Variants in DSCAM observed in about 807,000 individuals in gnomAD.
DSCAM encodes the protein cell adhesion molecule DSCAM.
Under a neutral mutation model 217.7 loss-of-function variants are expected in DSCAM, and 47 were observed. The ratio of observed to expected loss-of-function variants is 0.22; its 90% CI spans 0.17 to 0.28. DSCAM has a LOEUF of 0.28. Ranked by LOEUF, DSCAM falls within the 10% of genes least tolerant of loss-of-function variation. The pLI is 1.00. For missense variants in DSCAM, 2,080 were observed against 2,618.3 expected (o/e 0.79, Z 4.49); for synonymous variants, 1,056 against 1,015.3 (o/e 1.04, Z -0.76).
At chr21:40,807,744 C>G (rs909390268) in intron 1 of DSCAM, among the ~76,000 whole-genome samples, 2 of 151,548 alleles carry the variant, frequency 1.3e-5, no homozygotes, top group Non-Finnish European at 2.9e-5. Context: ...TGGCAGGAGA[C>G]AAGAGAAGAG....
At chr21:40,306,506 T>A (rs972502781) in intron 9 of DSCAM, among the ~76,000 whole-genome samples, 19 of 147,062 alleles carry the variant, frequency 1.3e-4, no homozygotes, top group Non-Finnish European at 2.2e-4. Flanking sequence ...AGAGAGGGCA[T>A]CCCTGTCTTG....
At chr21:40,672,487 TA>T (rs2090289053) in intron 3 of DSCAM, among the ~76,000 whole-genome samples, 1 of 152,014 alleles carries the variant, frequency 6.6e-6, no homozygotes, top group South Asian at 2.1e-4. Context: ...AAGTCTGACC[TA>T]GCATGAGTAA....
chr21:40,596,977 T>A (rs1409768339), intron 3 of DSCAM, among the ~76,000 whole-genome samples: 2 of 152,138 alleles, frequency 1.3e-5, no homozygotes, highest in African/African-American at 4.8e-5. Context: ...CATCATCTTC[T>A]ACACTTGTCT....
In DSCAM at chr21:40,296,183, A is replaced by G; in HGVS notation, c.2063-9T>C. 1 of 1,613,734 alleles carries G rather than the reference A, an allele frequency of 6.2e-7. No individual in the cohort carries two copies. The highest frequency in any genetic ancestry group is 1.1e-5 in the South Asian group (1 of 90,972). On this transcript the variant is annotated splice_polypyrimidine_tract_variant and intron_variant, in intron 9 of 32. Coordinates refer to ENST00000400454, the MANE Select transcript of DSCAM (RefSeq NM_001389.5). Reference sequence around the variant, plus strand: ...CACAAACTTGGGAGGAACTGAAAAGAGAGAAATGTCACCAGTAATTAAGAC... The same window carrying G: ...CACAAACTTGGGAGGAACTGAAAAGGGAGAAATGTCACCAGTAATTAAGAC...
At chr21:40,331,418 A>G (rs940820883) in intron 8 of DSCAM, among the ~76,000 whole-genome samples, 1 of 152,206 alleles carries the variant, frequency 6.6e-6, no homozygotes, top group African/African-American at 2.4e-5. Context: ...GTGGAAGGCG[A>G]GCAGACACAC....
chr21:40,711,228 A>C lies in DSCAM; in HGVS notation c.44-2457T>G, dbSNP rs186092443. On this transcript the variant is annotated intron_variant, in intron 1 of 32. Transcript: ENST00000400454. ...GTCTATGGCCTGTGCTTCCAGATCT[A>C]GTCTTTCTCCGTGGTGTGGAGCTGA... Among the ~76,000 whole-genome samples, 336 of 152,218 alleles carry C rather than the reference A, an allele frequency of 2.2e-3. 1 individual carries two copies. Among genetic ancestry groups the C allele is most frequent in the South Asian group, 5.8e-3 (28 of 4,814 alleles).
chr21:40,018,448 T>A (rs1370024513), intron 32 of DSCAM, among the ~76,000 whole-genome samples: 1 of 152,206 alleles, frequency 6.6e-6, no homozygotes, highest in Non-Finnish European at 1.5e-5. Context: ...TTTAAATATA[T>A]AGGTCAAGAA....
intron 8 of DSCAM, among the ~76,000 whole-genome samples, chr21:40,322,521 ATTT>A (rs35377807): frequency 6.7e-6 from 1 of 148,250 alleles, no homozygotes; most frequent in Non-Finnish European, 1.5e-5. Context: ...AGCGGGAGCA[ATTT>A]TTTTTTTTTT....
chr21:40,843,780 CT>C (rs1267931219), intron 1 of DSCAM, among the ~76,000 whole-genome samples: 1 of 146,592 alleles, frequency 6.8e-6, no homozygotes, highest in African/African-American at 2.6e-5. Context: ...GGCCTGGTCA[CT>C]GACTTCTTCT....
At chr21:40,418,555 T>C (rs1329649537) in intron 3 of DSCAM, among the ~76,000 whole-genome samples, 1 of 152,186 alleles carries the variant, frequency 6.6e-6, no homozygotes, top group Non-Finnish European at 1.5e-5. Flanking sequence ...GCAAGCCTTC[T>C]TTTGCTCAGG....
Position 40,652,838 on chromosome 21 carries a change from T to C in DSCAM, c.508+39972A>G, listed in dbSNP as rs372014162. On this transcript the variant is annotated intron_variant, in intron 3 of 32. Transcript: ENST00000400454. ...ACAATTGGATTATGACGAGTGTCTG[T>C]TTTTATTCTTCTGGGACCCTGGGCC... Among the ~76,000 whole-genome samples the C allele has an allele frequency of 5.9e-5, 9 of 152,292 alleles. No homozygotes were observed. In the East Asian group the frequency reaches 1.5e-3, roughly 26 times the overall value.
At chr21:40,260,330 G>A (rs2073433175) in intron 11 of DSCAM, among the ~76,000 whole-genome samples, 1 of 152,156 alleles carries the variant, frequency 6.6e-6, no homozygotes, top group Non-Finnish European at 1.5e-5. Flanking sequence ...AAATAGGTGG[G>A]AAAACAGTAT....
intron 3 of DSCAM, among the ~76,000 whole-genome samples, chr21:40,373,162 C>A (rs1384984517): frequency 6.6e-6 from 1 of 152,138 alleles, no homozygotes; most frequent in African/African-American, 2.4e-5. Flanking sequence ...AAAATAGCAG[C>A]AGTTCTAGAA....
intron 3 of DSCAM, among the ~76,000 whole-genome samples, chr21:40,381,335 G>A (rs190938213): frequency 1.2e-4 from 19 of 152,246 alleles, no homozygotes; most frequent in African/African-American, 3.8e-4. Context: ...GGATGTGCTC[G>A]TTGTATCAGG....
chr21:40,344,692 GT>G (rs2074538974), intron 6 of DSCAM, among the ~76,000 whole-genome samples: 2 of 152,220 alleles, frequency 1.3e-5, no homozygotes, highest in South Asian at 4.1e-4. Flanking sequence ...AGATTTTTAA[GT>G]TTTTCTCTTT....
intron 3 of DSCAM, among the ~76,000 whole-genome samples, chr21:40,498,069 CAT>C (rs757467634): frequency 1.2e-4 from 18 of 152,140 alleles, no homozygotes; most frequent in Non-Finnish European, 2.2e-4. Context: ...AAAATCTGCA[CAT>C]GTCATAACCT....
rs115032269 is a variant in DSCAM, at chr21:40,550,989, C to T, written c.508+141821G>A. 1.8e-3 allele frequency among the ~76,000 whole-genome samples: 273 copies of T among 151,966 alleles called. 1 individual carries two copies. Among genetic ancestry groups the T allele is most frequent in the African/African-American group, 6.1e-3 (251 of 41,442 alleles). On this transcript the variant is annotated intron_variant, in intron 3 of 32. Coordinates refer to ENST00000400454, the MANE Select transcript of DSCAM (RefSeq NM_001389.5). Reference sequence around the variant, plus strand: ...CAGTGTAGATTACAGTCCCTTTACACGTCCAGTTAGATGACAGTTCACTAT... The same window carrying T: ...CAGTGTAGATTACAGTCCCTTTACATGTCCAGTTAGATGACAGTTCACTAT...
At chr21:40,271,121 A>T (rs971892157) in intron 11 of DSCAM, among the ~76,000 whole-genome samples, 6 of 152,244 alleles carry the variant, frequency 3.9e-5, no homozygotes, top group African/African-American at 1.4e-4. Flanking sequence ...TGGTGCATGC[A>T]CATGTGTGCA....
chr21:40,263,119 C>G (rs1256183444), intron 11 of DSCAM, among the ~76,000 whole-genome samples: 1 of 152,056 alleles, frequency 6.6e-6, no homozygotes, highest in Non-Finnish European at 1.5e-5. Flanking sequence ...TGTCTAAGTC[C>G]AAAATGGAGA....
Sources: gnomAD v4.1 joint callset for allele counts (sites outside exome capture counted in the v4.1 genomes callset) on GRCh38, gnomAD v4.1.1 for gene constraint, MANE v1.5 for transcripts, NCBI Gene and HGNC (gene_info 2026-07-23, HGNC 2026-07-21) for gene names.